The following LRP1B variants were observed in gnomAD, a reference collection of about 807,000 sequenced individuals.
LRP1B encodes low-density lipoprotein receptor-related protein 1B.
Under a neutral mutation model 556.6 loss-of-function variants are expected in LRP1B, and 217 were observed. That is an observed-to-expected ratio of 0.39 (90% CI 0.35 to 0.44). The LOEUF (loss-of-function observed/expected upper bound fraction) is 0.44, where lower values mean the gene tolerates loss of function less well. Among genes scored for constraint, LRP1B ranks in the 20% least tolerant of loss-of-function variants. LRP1B has a pLI of 1.00. For synonymous variants in LRP1B, 2,047 were observed against 1,865.8 expected, an observed-to-expected ratio of 1.10 and a Z score of -2.50; for missense variants, 5,053 against 5,620.8, an observed-to-expected ratio of 0.90 and a Z score of 3.23.
chr2:140,534,667 T>A (rs1238779644), intron 46 of LRP1B, among the ~76,000 whole-genome samples: 1 of 152,170 alleles, frequency 6.6e-6, no homozygotes, highest in East Asian at 1.9e-4. Context: ...GAGAAAGAAT[T>A]ACCTTCTGAG....
intron 2 of LRP1B, among the ~76,000 whole-genome samples, chr2:141,776,929 AT>A (rs1305006420): frequency 6.6e-6 from 1 of 152,172 alleles, no homozygotes; most frequent in Non-Finnish European, 1.5e-5. Flanking sequence ...CAGTATGATT[AT>A]TTGGGGTTCT....
At chr2:141,586,967 AAG>A (rs1256570126) in intron 2 of LRP1B, among the ~76,000 whole-genome samples, 6 of 151,108 alleles carry the variant, frequency 4.0e-5, no homozygotes, top group African/African-American at 9.7e-5. Flanking sequence ...AAAAAAAAAG[AAG>A]AGAGAGAGAA....
intron 6 of LRP1B, among the ~76,000 whole-genome samples, chr2:141,227,026 T>C (rs986324692): frequency 5.9e-5 from 9 of 151,980 alleles, no homozygotes; most frequent in Admixed American, 5.9e-4. Context: ...AGCATTTCAG[T>C]GAATTCCCTA....
chr2:141,946,921 TA>T (rs941563192), intron 1 of LRP1B, among the ~76,000 whole-genome samples: 3 of 152,080 alleles, frequency 2.0e-5, no homozygotes, highest in African/African-American at 4.8e-5. Flanking sequence ...AGGATACATT[TA>T]AAAAAACCAA....
At chr2:140,965,558 TTA>T (rs1446982542) in intron 18 of LRP1B, among the ~76,000 whole-genome samples, 1 of 49,166 alleles carries the variant, frequency 2.0e-5, no homozygotes, top group Non-Finnish European at 6.4e-5. Flanking sequence ...TGATTTTCTT[TTA>T]ATTTTTTTAT....
chr2:140,566,277 C>T (rs756446633), intron 43 of LRP1B, among the ~76,000 whole-genome samples: 2 of 152,180 alleles, frequency 1.3e-5, no homozygotes, highest in African/African-American at 2.4e-5. Context: ...AGCCCTACCC[C>T]TAGAAGGCTG....
At chr2:141,889,566 C>T (rs754173741) in intron 1 of LRP1B, among the ~76,000 whole-genome samples, 21 of 152,036 alleles carry the variant, frequency 1.4e-4, no homozygotes, top group Non-Finnish European at 2.1e-4. Context: ...CAGATTATGC[C>T]TCTATATATT....
intron 1 of LRP1B, among the ~76,000 whole-genome samples, chr2:142,016,367 G>A (rs1190424926): frequency 2.0e-5 from 3 of 152,028 alleles, no homozygotes; most frequent in Admixed American, 2.0e-4. Context: ...TACTATAAAG[G>A]CATATGCACA....
intron 2 of LRP1B, among the ~76,000 whole-genome samples, chr2:141,764,915 T>G (rs1386239172): frequency 6.6e-6 from 1 of 152,212 alleles, no homozygotes; most frequent in African/African-American, 2.4e-5. Flanking sequence ...CCCATACTGT[T>G]TGTTTTATCT....
chr2:140,934,643 G>C (rs1487534342), intron 20 of LRP1B, among the ~76,000 whole-genome samples: 3 of 152,098 alleles, frequency 2.0e-5, no homozygotes, highest in Non-Finnish European at 4.4e-5. Flanking sequence ...CACAGCTTGT[G>C]TGATCCAGAG....
intron 1 of LRP1B, among the ~76,000 whole-genome samples, chr2:141,859,801 T>C (rs2105785849): frequency 1.3e-5 from 2 of 152,290 alleles, no homozygotes; most frequent in East Asian, 3.9e-4. Context: ...ATTTTCAGTA[T>C]TTATGACTGC....
intron 6 of LRP1B, among the ~76,000 whole-genome samples, chr2:141,202,777 C>A (rs1682094476): frequency 1.3e-5 from 2 of 151,824 alleles, no homozygotes; most frequent in Admixed American, 6.6e-5. Context: ...TTCTGGGGTA[C>A]ATATGCAGAA....
At chr2:141,373,743 T>C (rs1573871620) in intron 3 of LRP1B, among the ~76,000 whole-genome samples, 1 of 152,060 alleles carries the variant, frequency 6.6e-6, no homozygotes, top group South Asian at 2.1e-4. Context: ...CTTTCAAGTG[T>C]AGCATTAAAC....
chr2:140,257,302 CAA>C (rs1314279426), intron 86 of LRP1B, among the ~76,000 whole-genome samples: 4 of 151,924 alleles, frequency 2.6e-5, no homozygotes, highest in African/African-American at 9.7e-5. Flanking sequence ...CTAATAAAGA[CAA>C]AATAAATGGA....
chr2:141,457,412 A>G (rs1212865407), intron 3 of LRP1B, among the ~76,000 whole-genome samples: 1 of 152,156 alleles, frequency 6.6e-6, no homozygotes, highest in Non-Finnish European at 1.5e-5. Context: ...AGGGAGGGCA[A>G]CAACACACAC....
intron 66 of LRP1B, among the ~76,000 whole-genome samples, chr2:140,412,632 G>T (rs1375642978): frequency 6.6e-6 from 1 of 151,966 alleles, no homozygotes; most frequent in African/African-American, 2.4e-5. Context: ...ATCATTTTGA[G>T]AACGTAATTG....
intron 59 of LRP1B, among the ~76,000 whole-genome samples, chr2:140,483,637 TATA>T (rs146739384): frequency 0.12 from 8,610 of 70,582 alleles, 402 homozygotes; most frequent in Admixed American, 0.2. Flanking sequence ...TATATATATA[TATA>T]TTTTTTTTTT....
intron 1 of LRP1B, among the ~76,000 whole-genome samples, chr2:142,001,305 A>G (rs1399487929): frequency 2.0e-5 from 3 of 152,134 alleles, no homozygotes; most frequent in South Asian, 2.1e-4. Context: ...ACAGCTCCAT[A>G]TCTTCATTGT....
chr2:141,305,159 G>A (rs1316001950), intron 3 of LRP1B, among the ~76,000 whole-genome samples: 4 of 152,108 alleles, frequency 2.6e-5, no homozygotes, highest in African/African-American at 9.7e-5. Context: ...CAATGAATCT[G>A]TAGACTGCTT....
Sources: allele counts gnomAD v4.1 joint callset (sites outside exome capture counted in the v4.1 genomes callset), GRCh38; gene constraint gnomAD v4.1.1; transcripts MANE v1.5; gene names NCBI Gene and HGNC (gene_info 2026-07-23, HGNC 2026-07-21).